The following ADARB2 variants were observed in gnomAD, a reference collection of about 807,000 sequenced individuals.
ADARB2 encodes adenosine deaminase RNA specific B2 (inactive).
A neutral mutation model predicts 62.2 loss-of-function variants in ADARB2; 25 were observed. The ratio of observed to expected loss-of-function variants is 0.40; its 90% CI spans 0.29 to 0.56. ADARB2 has a LOEUF of 0.56. Among genes scored for constraint, ADARB2 ranks in the 20% least tolerant of loss-of-function variants. ADARB2 has a pLI of 0.43. For missense variants in ADARB2, 1,071 were observed against 1,077.4 expected, an observed-to-expected ratio of 0.99 and a Z score of 0.08; for synonymous variants, 572 against 500.8, an observed-to-expected ratio of 1.14 and a Z score of -1.90.
intron 7 of ADARB2, chr10:1,216,015 GCAACGTGGGGGAGGTCTCAGGGTGTCAC>G (rs1770085907): frequency 6.7e-6 from 1 of 150,106 alleles, no homozygotes; most frequent in Admixed American, 6.6e-5. Context: ...GGGCCTCAGA[GCAACGTGGGGGAGGTCTCAGGGTGTCAC>G]CAACGTGGGG....
At chr10:1,456,387 A>T (rs1265087182) in intron 1 of ADARB2, among the ~76,000 whole-genome samples, 3 of 152,144 alleles carry the variant, frequency 2.0e-5, no homozygotes, top group Admixed American at 6.5e-5. Context: ...TCCTGCCCGG[A>T]AGACGTCTGC....
At chr10:1,199,939 G>T in intron 8 of ADARB2, 27 bp downstream of exon 8, 1 of 1,490,388 alleles carries the variant, frequency 6.7e-7, no homozygotes, top group African/African-American at 1.4e-5. Context: ...GAAGGAGGTG[G>T]AGGGCCCCCG....
At chr10:1,206,666 C>T (rs145167236) in intron 7 of ADARB2, among the ~76,000 whole-genome samples, 19 of 152,288 alleles carry the variant, frequency 1.2e-4, no homozygotes, top group South Asian at 2.1e-4. Flanking sequence ...CATGAGATGA[C>T]GCCTTGTGAC....
chr10:1,206,841 G>T (rs1300056366), intron 7 of ADARB2, among the ~76,000 whole-genome samples: 4 of 152,164 alleles, frequency 2.6e-5, no homozygotes, highest in African/African-American at 9.7e-5. Flanking sequence ...TGCAGATGGT[G>T]CGCTTGTCAC....
At chr10:1,442,502 C>A (rs1305566107) in intron 1 of ADARB2, among the ~76,000 whole-genome samples, 1 of 152,208 alleles carries the variant, frequency 6.6e-6, no homozygotes, top group African/African-American at 2.4e-5. Context: ...AACATCCACA[C>A]ACAAAATAGA....
At chr10:1,372,650 G>C (rs931302750) in intron 2 of ADARB2, among the ~76,000 whole-genome samples, 1 of 152,116 alleles carries the variant, frequency 6.6e-6, no homozygotes, top group African/African-American at 2.4e-5. Context: ...TGAAGGGCCT[G>C]CATTATAAAA....
chr10:1,688,097 G>T (rs150309873), intron 1 of ADARB2, among the ~76,000 whole-genome samples: 60 of 152,350 alleles, frequency 3.9e-4, no homozygotes, highest in African/African-American at 1.4e-3. Flanking sequence ...CCTTCGTGTT[G>T]TCCCATTGTC....
chr10:1,631,310 C>T (rs1833841190), intron 1 of ADARB2, among the ~76,000 whole-genome samples: 1 of 152,132 alleles, frequency 6.6e-6, no homozygotes, highest in Admixed American at 6.5e-5. Context: ...GGCACCGAGA[C>T]AGGCTGGACG....
At position 1,363,115 on chromosome 10, in the gene ADARB2, C is replaced by T. The variant is rs1284227063; in HGVS notation, c.990G>A (p.Gln330=). Residue 330 remains glutamine, a synonymous_variant, in exon 3 of 10, where the codon CAG becomes CAA. Transcript: ENST00000381312. The stretch of plus-strand genomic sequence containing the variant: ...GCTCCTGCAGTGCGGCCTGCGCGGC[C>T]TGACCCCGGGCCAGCTTCTTGCTGC... The part of the protein sequence containing the change: ...SGRSKKLARG[Q]AAQAALQELF... The T allele has an allele frequency of 6.5e-7, 1 of 1,539,018 alleles. No homozygotes were observed. Among genetic ancestry groups the T allele is most frequent in the Non-Finnish European group, 8.7e-7 (1 of 1,151,792 alleles).
At chr10:1,447,579 T>C (rs767493624) in intron 1 of ADARB2, among the ~76,000 whole-genome samples, 1 of 152,180 alleles carries the variant, frequency 6.6e-6, no homozygotes, top group East Asian at 1.9e-4. Context: ...GTTTGGTTGC[T>C]TTTTAAAATG....
At chr10:1,550,811 G>C (rs779726461) in intron 1 of ADARB2, among the ~76,000 whole-genome samples, 1 of 152,030 alleles carries the variant, frequency 6.6e-6, no homozygotes, top group Non-Finnish European at 1.5e-5. Context: ...AGAGATGGTA[G>C]ATCTAGAATG....
intron 1 of ADARB2, among the ~76,000 whole-genome samples, chr10:1,667,155 G>T (rs529271563): frequency 4.7e-4 from 72 of 152,342 alleles, no homozygotes; most frequent in African/African-American, 1.6e-3. Context: ...TAGATTTTAT[G>T]ATCTTGCTCA....
chr10:1,722,794 C>T (rs899058057), intron 1 of ADARB2, among the ~76,000 whole-genome samples: 10 of 152,152 alleles, frequency 6.6e-5, no homozygotes, highest in South Asian at 2.1e-4. Context: ...AAAATGAAGA[C>T]GTTTGCCTAT....
At chr10:1,636,750 T>TA (rs1409472994) in intron 1 of ADARB2, among the ~76,000 whole-genome samples, 2 of 149,266 alleles carry the variant, frequency 1.3e-5, no homozygotes, top group East Asian at 3.9e-4. Flanking sequence ...ATGTATAATA[T>TA]ACATCATATC....
chr10:1,684,081 C>A (rs1834572774), intron 1 of ADARB2, among the ~76,000 whole-genome samples: 1 of 152,250 alleles, frequency 6.6e-6, no homozygotes, highest in African/African-American at 2.4e-5. Context: ...TTCAAAAGCA[C>A]ATCTTAACGA....
chr10:1,585,827 G>A (rs1361326207), intron 1 of ADARB2, among the ~76,000 whole-genome samples: 3 of 152,184 alleles, frequency 2.0e-5, no homozygotes, highest in Non-Finnish European at 4.4e-5. Flanking sequence ...GAGGTCAGGA[G>A]ATCGAGACCA....
At chr10:1,221,060 C>A (rs1157725856) in intron 6 of ADARB2, among the ~76,000 whole-genome samples, 1 of 152,196 alleles carries the variant, frequency 6.6e-6, no homozygotes, top group Non-Finnish European at 1.5e-5. Context: ...TTTCCTCTGG[C>A]TCTTTCCTGG....
At chr10:1,386,081 G>T (rs1406195623) in intron 1 of ADARB2, among the ~76,000 whole-genome samples, 2 of 151,982 alleles carry the variant, frequency 1.3e-5, no homozygotes, top group South Asian at 2.1e-4. Context: ...TTATTCTGTT[G>T]CAAGTTTCTT....
intron 1 of ADARB2, among the ~76,000 whole-genome samples, chr10:1,626,111 C>A (rs1247477003): frequency 7.0e-6 from 1 of 143,494 alleles, no homozygotes; most frequent in African/African-American, 2.8e-5. Context: ...CACTGGACCT[C>A]AGACACTAAC....
Sources: allele counts gnomAD v4.1 joint callset (sites outside exome capture counted in the v4.1 genomes callset), GRCh38; gene constraint gnomAD v4.1.1; transcripts MANE v1.5; gene names NCBI Gene and HGNC (gene_info 2026-07-23, HGNC 2026-07-21).